MEGF6: variants seen among roughly 807,000 people sequenced by gnomAD.
MEGF6 encodes multiple epidermal growth factor-like domains protein 6.
MEGF6 carries 184 observed loss-of-function variants against 207.1 expected under a neutral mutation model. That is an observed-to-expected ratio of 0.89 (90% CI 0.79 to 1.00). The LOEUF (loss-of-function observed/expected upper bound fraction) is 1.00, where lower values mean the gene tolerates loss of function less well. MEGF6 is among the 50% of genes least tolerant of loss of function. The pLI, the probability that MEGF6 is intolerant of heterozygous loss-of-function variation, is 0.00. For synonymous variants in MEGF6, 1,038 were observed against 910.0 expected, an observed-to-expected ratio of 1.14 and a Z score of -2.53; for missense variants, 2,282 against 2,202.9, an observed-to-expected ratio of 1.04 and a Z score of -0.72.
chr1:3,604,328 G>C (rs917381923), intron 1 of MEGF6, among the ~76,000 whole-genome samples: 4 of 152,180 alleles, frequency 2.6e-5, no homozygotes, highest in African/African-American at 9.7e-5. Context: ...CTGCAGGGTG[G>C]GGCACAAGGC....
At chr1:3,609,569 G>C (rs1644298121) in intron 1 of MEGF6, among the ~76,000 whole-genome samples, 1 of 152,238 alleles carries the variant, frequency 6.6e-6, no homozygotes. Flanking sequence ...AGCCAGGGAG[G>C]CTCCCCAGGA....
chr1:3,536,097 C>T lies in MEGF6; in HGVS notation c.482-11851G>A, dbSNP rs184320067. ...GCCTCGGCTTCCCTGAACGAGCCTT[C>T]CCTGGCAGTCTAGACACTCACCCTT... On this transcript the variant is annotated intron_variant, in intron 4 of 36. Coordinates refer to ENST00000356575, the MANE Select transcript of MEGF6 (RefSeq NM_001409.4). Among the ~76,000 whole-genome samples, 375 of 152,254 alleles carry T rather than the reference C, an allele frequency of 2.5e-3. 2 individuals carry two copies. The highest frequency in any genetic ancestry group is 8.7e-3 in the African/African-American group (362 of 41,542).
At chr1:3,509,746 G>C (rs552034422) in intron 11 of MEGF6, 124 bp downstream of exon 11, 37 of 1,334,364 alleles carry the variant, frequency 2.8e-5, no homozygotes, top group Admixed American at 8.7e-5. Flanking sequence ...GGCCCAGAGA[G>C]GCCAGGGGGC....
intron 3 of MEGF6, 81 bp downstream of exon 3, chr1:3,595,256 AG>A (rs1644041862): frequency 2.1e-6 from 2 of 945,298 alleles, no homozygotes; most frequent in African/African-American, 3.3e-5. Context: ...GATCCCCACC[AG>A]GCCCGGGGCA....
intron 2 of MEGF6, among the ~76,000 whole-genome samples, chr1:3,598,486 G>A (rs1364164016): frequency 8.0e-6 from 1 of 125,242 alleles, no homozygotes; most frequent in Admixed American, 8.2e-5. Flanking sequence ...GTTTGGGCCT[G>A]TGCGTGGTAA....
At chr1:3,615,480 C>G (rs1644370045), upstream of MEGF6, among the ~76,000 whole-genome samples, 1 of 152,236 alleles carries the variant, frequency 6.6e-6, no homozygotes, top group Non-Finnish European at 1.5e-5. Context: ...AGACCAAGTT[C>G]CATCCTAAAC....
chr1:3,577,747 G>A (rs1643681153), intron 4 of MEGF6, among the ~76,000 whole-genome samples: 2 of 152,176 alleles, frequency 1.3e-5, no homozygotes, highest in Non-Finnish European at 2.9e-5. Context: ...CCACCCCCAA[G>A]CACCCAAGCA....
intron 2 of MEGF6, among the ~76,000 whole-genome samples, chr1:3,596,003 G>A (rs1186711088): frequency 6.6e-6 from 1 of 152,110 alleles, no homozygotes; most frequent in Non-Finnish European, 1.5e-5. Context: ...ACACACAGGT[G>A]CAATGGCCAC....
chr1:3,500,706 G>A lies in MEGF6; in HGVS notation c.2634C>T (p.Gly878=), dbSNP rs1476593212. The A allele has an allele frequency of 6.3e-7, 1 of 1,590,142 alleles. No homozygotes were observed. The highest frequency in any genetic ancestry group is 8.6e-7 in the Non-Finnish European group (1 of 1,168,712). The change falls in exon 21 of 37, where the codon GGC becomes GGT. Residue 878 remains glycine, a synonymous_variant. Transcript: ENST00000356575. ...CGCTGATGGCATCACAGCTCCCGTG[G>A]CCAGCGCTGCAGTTGCAGGGGTGGC... ...DCSHPCNCSA[G]HGSCDAISGL...
intron 18 of MEGF6, among the ~76,000 whole-genome samples, chr1:3,501,546 C>T (rs1640867173): frequency 6.6e-6 from 1 of 152,066 alleles, no homozygotes; most frequent in African/African-American, 2.4e-5. Flanking sequence ...ACACAAGGAG[C>T]CGAGCCCGTT....
chr1:3,615,643 C>T (rs1024255697), upstream of MEGF6, among the ~76,000 whole-genome samples: 51 of 152,242 alleles, frequency 3.3e-4, no homozygotes, highest in African/African-American at 9.2e-4. Flanking sequence ...CTATATTAGA[C>T]CCCAAATGTA....
Position 3,611,177 on chromosome 1 carries a change from C to T in MEGF6, c.92G>A (p.Ser31Asn). Residue 31 changes from serine (S) to asparagine (N), a missense_variant, in exon 1 of 37, where the codon AGC becomes AAC. Transcript: ENST00000356575. ...LLLPAVPVGASVPPRPLLPLQ... is the reference protein window; with the variant it reads ...LLLPAVPVGANVPPRPLLPLQ... ...CGGGAGCAGGGGCCGCGGCGGAACG[C>T]TGGCGCCCACGGGCACGGCGGGGAG... The T allele has an allele frequency of 1.3e-6, 2 of 1,549,106 alleles. No individual in the cohort carries two copies. The highest frequency in any genetic ancestry group is 1.7e-6 in the Non-Finnish European group (2 of 1,157,732).
rs1640759482 is a variant in MEGF6 at position 3,499,532 on chromosome 1, G to A, written c.2965+56C>T. The A allele has an allele frequency of 1.0e-5, 16 of 1,541,846 alleles. No individual in the cohort carries two copies. In the East Asian group the frequency reaches 1.2e-4, roughly 12 times the overall value. On this transcript the variant is annotated intron_variant, in intron 23 of 36. Transcript: ENST00000356575. ...CAGGTGGCAGGAGGGAGTCTCCTAC[G>A]GAGGACCTGGCACCCCCTCCTGCAG... is the stretch of plus-strand genomic sequence containing the variant.
In MEGF6 at chr1:3,531,162, G is replaced by C. The variant is rs1021638907; in HGVS notation, c.482-6916C>G. The C allele has an allele frequency of 2.0e-6, 3 of 1,524,882 alleles. No homozygotes were observed. In the East Asian group the frequency reaches 8.0e-5, roughly 41 times the overall value. 94.5% of individuals were successfully genotyped at this position (1,524,882 alleles called of 1,614,324 possible). On this transcript the variant is annotated intron_variant, in intron 4 of 36. Coordinates refer to ENST00000356575, the MANE Select transcript of MEGF6 (RefSeq NM_001409.4). ...AGCAGCCCCTCCAGAGGTAGCGGTA[G>C]TGCGTGCCCGCGACGCGCGCCAGGC...
In MEGF6 at chr1:3,543,836, A is replaced by G. The variant is rs185380215; in HGVS notation, c.482-19590T>C. Among the ~76,000 whole-genome samples, 353 of 152,322 alleles carry G rather than the reference A, an allele frequency of 2.3e-3. 1 individual carries two copies. Among genetic ancestry groups the G allele is most frequent in the African/African-American group, 8.2e-3 (341 of 41,578 alleles). On this transcript the variant is annotated intron_variant, in intron 4 of 36. Transcript: ENST00000356575. ...CGGGCCTAATGTGTTTGCCGTCACC[A>G]TGCTGGGCTCTGCAGTGTCTGTCAT...
chr1:3,594,813 A>G lies in MEGF6; in HGVS notation c.376+525T>C, dbSNP rs1253347914. 6.6e-6 allele frequency among the ~76,000 whole-genome samples: 1 copy of G among 152,194 alleles called. No homozygotes were observed. The highest frequency in any genetic ancestry group is 1.5e-5 in the Non-Finnish European group (1 of 68,028). On this transcript the variant is annotated intron_variant, in intron 3 of 36. Transcript: ENST00000356575. The surrounding 1 kb of genome is among the most constrained non-coding windows in gnomAD (Gnocchi z 4.2). The stretch of plus-strand genomic sequence containing the variant: ...TCAGCACCTGCCCGGGTCAGGTCGT[A>G]TGCAGCACGGGCCTCTCCAATTGTG...
Position 3,514,630 on chromosome 1 carries a change from C to A in MEGF6, c.773G>T (p.Arg258Met). 1 of 1,581,920 alleles carries A rather than the reference C, an allele frequency of 6.3e-7. No individual in the cohort carries two copies. Among genetic ancestry groups the A allele is most frequent in the Non-Finnish European group, 8.6e-7 (1 of 1,166,336 alleles). The change falls in exon 7 of 37, where the codon AGG becomes ATG. Residue 258 changes from arginine to methionine, a missense_variant. Transcript: ENST00000356575. Reference protein sequence around the residue: ...CANRNGSCMHRCQVVRGLARC... With the variant: ...CANRNGSCMHMCQVVRGLARC... The stretch of plus-strand genomic sequence containing the variant: ...GGCGAGGCCCCGGACCACCTGGCAC[C>A]TGTGCATGCAGCTGCCGTTCCTGTT...
the MEGF6 span, among the ~76,000 whole-genome samples, chr1:3,620,934 G>A: frequency 1.3e-5 from 2 of 152,212 alleles, no homozygotes; most frequent in Non-Finnish European, 2.9e-5. Context: ...TTCCCCGTTT[G>A]GCAGCTGAGG....
chr1:3,515,559 C>G, intron 5 of MEGF6, 32 bp from the exon 6 acceptor site: 1 of 1,599,014 alleles, frequency 6.3e-7, no homozygotes, highest in Non-Finnish European at 8.6e-7. Context: ...CAAGTCAGCC[C>G]AAGAGGATGC....
Sources: gnomAD v4.1 joint callset for allele counts (sites outside exome capture counted in the v4.1 genomes callset) on GRCh38, gnomAD v4.1.1 for gene constraint, Gnocchi (gnomAD v3.1) non-coding constraint, MANE v1.5 for transcripts, NCBI Gene and HGNC (gene_info 2026-07-23, HGNC 2026-07-21) for gene names.